Variants in ADK observed in about 807,000 individuals in gnomAD.
ADK encodes adenosine kinase, also known as N6,N6-dimethyladenosine kinase.
In ADK, 24 loss-of-function variants were observed where a neutral mutation model predicts 44.7. The observed-to-expected ratio is 0.54, with a 90% CI of 0.39 to 0.76. The LOEUF (loss-of-function observed/expected upper bound fraction) is 0.76. ADK is among the 30% of genes least tolerant of loss of function. The pLI, the probability that ADK is intolerant of heterozygous loss-of-function variation, is 0.00. For missense variants in ADK, 321 were observed against 425.1 expected, an observed-to-expected ratio of 0.76 and a Z score of 2.15; for synonymous variants, 128 against 142.6, an observed-to-expected ratio of 0.90 and a Z score of 0.73.
At chr10:74,404,268 A>G (rs1406522254) in intron 6 of ADK, among the ~76,000 whole-genome samples, 1 of 152,008 alleles carries the variant, frequency 6.6e-6, no homozygotes, top group Non-Finnish European at 1.5e-5. Context: ...TAAACATCGT[A>G]ACCTTGCTGC....
chr10:74,308,389 G>A (rs942256301), intron 3 of ADK, among the ~76,000 whole-genome samples: 1 of 152,104 alleles, frequency 6.6e-6, no homozygotes, highest in East Asian at 1.9e-4. Flanking sequence ...CTTTTAAAAA[G>A]ATGCTTAAAA....
intron 9 of ADK, among the ~76,000 whole-genome samples, chr10:74,663,826 G>A (rs1451376000): frequency 6.6e-6 from 1 of 152,130 alleles, no homozygotes; most frequent in African/African-American, 2.4e-5. Flanking sequence ...TATTAGCAGA[G>A]TTCATCATCT....
chr10:74,358,466 A>C (rs901874903), intron 4 of ADK, among the ~76,000 whole-genome samples: 20 of 152,208 alleles, frequency 1.3e-4, no homozygotes, highest in African/African-American at 4.6e-4. Flanking sequence ...TTATGTGTGA[A>C]GAAGTTTGTG....
chr10:74,627,225 C>T (rs530517075), intron 9 of ADK, among the ~76,000 whole-genome samples: 36 of 152,230 alleles, frequency 2.4e-4, no homozygotes, highest in African/African-American at 8.4e-4. Flanking sequence ...CCTGTAATCC[C>T]AGCATTTTGG....
At chr10:74,610,399 C>T (rs985016689) in intron 9 of ADK, among the ~76,000 whole-genome samples, 1 of 151,906 alleles carries the variant, frequency 6.6e-6, no homozygotes, top group Non-Finnish European at 1.5e-5. Flanking sequence ...ATGATGTTAG[C>T]CAGGGGCTGG....
intron 4 of ADK, among the ~76,000 whole-genome samples, chr10:74,392,248 G>A (rs1434706371): frequency 6.6e-6 from 1 of 152,024 alleles, no homozygotes; most frequent in East Asian, 1.9e-4. Context: ...TACCATTTTA[G>A]TAGTGGCTGT....
chr10:74,325,947 C>G (rs61866071), intron 4 of ADK, among the ~76,000 whole-genome samples: 1 of 151,814 alleles, frequency 6.6e-6, no homozygotes, highest in Non-Finnish European at 1.5e-5. Flanking sequence ...GTGATTCTTC[C>G]GCCTCAGCCT....
intron 4 of ADK, among the ~76,000 whole-genome samples, chr10:74,382,259 T>A (rs977351706): frequency 1.3e-5 from 2 of 152,080 alleles, no homozygotes; most frequent in Admixed American, 6.6e-5. Context: ...CCACCATGCC[T>A]GGCTAATTTT....
chr10:74,399,085 G>A (rs1167706531), intron 6 of ADK, among the ~76,000 whole-genome samples: 1 of 151,582 alleles, frequency 6.6e-6, no homozygotes, highest in Non-Finnish European at 1.5e-5. Flanking sequence ...TGGGAACAAG[G>A]GCAGGGTGTA....
At chr10:74,424,605 A>G (rs1232509356) in intron 6 of ADK, among the ~76,000 whole-genome samples, 1 of 150,014 alleles carries the variant, frequency 6.7e-6, no homozygotes, top group Non-Finnish European at 1.5e-5. Context: ...GGTAACCATT[A>G]TCCTAAATTT....
At chr10:74,486,654 A>T (rs1847277736) in intron 6 of ADK, among the ~76,000 whole-genome samples, 1 of 152,182 alleles carries the variant, frequency 6.6e-6, no homozygotes, top group Non-Finnish European at 1.5e-5. Flanking sequence ...GACCCAAATA[A>T]TGATCCAAAT....
chr10:74,438,210 T>G (rs1478620394), intron 6 of ADK, among the ~76,000 whole-genome samples: 104 of 151,496 alleles, frequency 6.9e-4, no homozygotes, highest in Non-Finnish European at 1.2e-4. Context: ...AATAAGAAGG[T>G]AAGGTCCTTG....
chr10:74,203,279 G>A (rs1843464150), intron 2 of ADK, among the ~76,000 whole-genome samples: 1 of 152,066 alleles, frequency 6.6e-6, no homozygotes, highest in Non-Finnish European at 1.5e-5. Context: ...GTAAATTTCT[G>A]GACTCCATTC....
At chr10:74,448,934 T>C (rs1845680094) in intron 6 of ADK, among the ~76,000 whole-genome samples, 2 of 152,192 alleles carry the variant, frequency 1.3e-5, no homozygotes, top group Admixed American at 6.5e-5. Context: ...ACACATTCTT[T>C]CCAAATGTAT....
chr10:74,335,576 T>A (rs898393446), intron 4 of ADK, among the ~76,000 whole-genome samples: 1 of 152,240 alleles, frequency 6.6e-6, no homozygotes, highest in Non-Finnish European at 1.5e-5. Context: ...TACGTTTTTG[T>A]GTTAACATAA....
intron 6 of ADK, among the ~76,000 whole-genome samples, chr10:74,453,577 A>G (rs1845847034): frequency 6.6e-6 from 1 of 152,084 alleles, no homozygotes; most frequent in Non-Finnish European, 1.5e-5. Context: ...TGAAGTTATT[A>G]GTGGCCTTTC....
At chr10:74,186,203 TTCCCTTCCCTTCCTTTCCCTTCCCC>T (rs1352639425) in intron 1 of ADK, among the ~76,000 whole-genome samples, 2 of 137,244 alleles carry the variant, frequency 1.5e-5, no homozygotes, top group African/African-American at 2.6e-5. Context: ...TTCCCTTCCC[TTCCCTTCCCTTCCTTTCCCTTCCCC>T]TCCTTTCCCT....
At chr10:74,266,596 T>C (rs1354130048) in intron 3 of ADK, among the ~76,000 whole-genome samples, 1 of 151,996 alleles carries the variant, frequency 6.6e-6, no homozygotes, top group Non-Finnish European at 1.5e-5. Context: ...GCACTGCTTG[T>C]ATAGTAAATG....
At chr10:74,373,132 A>G (rs1842719834) in intron 4 of ADK, among the ~76,000 whole-genome samples, 1 of 152,086 alleles carries the variant, frequency 6.6e-6, no homozygotes, top group South Asian at 2.1e-4. Flanking sequence ...GGAAAAAAAA[A>G]AAGCTGGACC....
Sources: allele counts gnomAD v4.1 joint callset (sites outside exome capture counted in the v4.1 genomes callset), GRCh38; gene constraint gnomAD v4.1.1; transcripts MANE v1.5; gene names NCBI Gene and HGNC (gene_info 2026-07-23, HGNC 2026-07-21).